The following ZNF704 variants were observed in gnomAD, a reference collection of about 807,000 sequenced individuals.
ZNF704 encodes zinc finger protein 704, also known as glucocorticoid induced gene 1.
In ZNF704, 10 loss-of-function variants were observed where a neutral mutation model predicts 44.7. The ratio of observed to expected loss-of-function variants is 0.22; its 90% CI spans 0.14 to 0.38. ZNF704 has a LOEUF of 0.38. Ranked by LOEUF, ZNF704 falls within the 10% of genes least tolerant of loss-of-function variation. ZNF704 has a pLI of 1.00. For synonymous variants in ZNF704, 211 were observed against 207.6 expected, an observed-to-expected ratio of 1.02 and a Z score of -0.14; for missense variants, 390 against 545.5, an observed-to-expected ratio of 0.71 and a Z score of 2.84.
intron 7 of ZNF704, among the ~76,000 whole-genome samples, chr8:80,658,220 C>T (rs1168135820): frequency 6.6e-6 from 1 of 152,106 alleles, no homozygotes; most frequent in Non-Finnish European, 1.5e-5. Flanking sequence ...GTGTATGCTT[C>T]CCATACATCA....
chr8:80,683,099 A>C (rs1196244411), intron 4 of ZNF704, among the ~76,000 whole-genome samples: 3 of 152,204 alleles, frequency 2.0e-5, no homozygotes, highest in Admixed American at 6.5e-5. Context: ...GAATGGCTGT[A>C]TTTAGGGTCA....
At chr8:80,868,607 G>A (rs1416437022) in intron 1 of ZNF704, among the ~76,000 whole-genome samples, 1 of 152,210 alleles carries the variant, frequency 6.6e-6, no homozygotes, top group African/African-American at 2.4e-5. Context: ...TGATTCCCAA[G>A]TCATAAATTT....
chr8:80,791,693 G>GTCTACAGT (rs1343012768), intron 2 of ZNF704, among the ~76,000 whole-genome samples: 1 of 151,614 alleles, frequency 6.6e-6, no homozygotes, highest in Non-Finnish European at 1.5e-5. Flanking sequence ...TCTCCACTCT[G>GTCTACAGT]TCTACAGTTA....
intron 2 of ZNF704, among the ~76,000 whole-genome samples, chr8:80,714,247 T>C (rs780732763): frequency 4.6e-5 from 7 of 152,178 alleles, no homozygotes; most frequent in Admixed American, 6.5e-5. Context: ...CTATCAATAC[T>C]GATGAAAAGC....
At position 80,675,709 on chromosome 8, in the gene ZNF704, T is replaced by C. The variant is rs536901441; in HGVS notation, c.559-5106A>G. ...GGGATGGTGTTAAAGATGACTTCCA[T>C]GTTTTAGGTTTGAATGACTGGGTGA... On this transcript the variant is annotated intron_variant, in intron 4 of 8. Transcript: ENST00000327835. Among the ~76,000 whole-genome samples the C allele has an allele frequency of 5.3e-5, 8 of 152,284 alleles. No individual in the cohort carries two copies. In the East Asian group the frequency reaches 1.5e-3, roughly 29 times the overall value.
At chr8:80,843,967 A>G (rs1469368444) in intron 1 of ZNF704, among the ~76,000 whole-genome samples, 3 of 132,812 alleles carry the variant, frequency 2.3e-5, no homozygotes, top group African/African-American at 9.9e-5. Context: ...GTGTATATAT[A>G]TGTGTATATA....
At chr8:80,827,643 G>A (rs1395495304) in intron 1 of ZNF704, among the ~76,000 whole-genome samples, 1 of 152,224 alleles carries the variant, frequency 6.6e-6, no homozygotes, top group African/African-American at 2.4e-5. Context: ...AACAAGGCTG[G>A]AGGCATCACG....
At chr8:80,781,280 A>G (rs924577862) in intron 2 of ZNF704, among the ~76,000 whole-genome samples, 1 of 152,194 alleles carries the variant, frequency 6.6e-6, no homozygotes, top group Non-Finnish European at 1.5e-5. Flanking sequence ...GTAAAGGGCC[A>G]TATCTGTAAA....
intron 2 of ZNF704, among the ~76,000 whole-genome samples, chr8:80,757,828 T>C (rs1318803819): frequency 6.6e-6 from 1 of 152,230 alleles, no homozygotes; most frequent in Non-Finnish European, 1.5e-5. Context: ...GTTTGTAGCC[T>C]GGGAGCAACA....
intron 1 of ZNF704, among the ~76,000 whole-genome samples, chr8:80,845,946 G>C (rs985963814): frequency 1.3e-5 from 2 of 152,036 alleles, no homozygotes; most frequent in African/African-American, 4.8e-5. Context: ...AAAACTATCT[G>C]ACACTATTAA....
At chr8:80,772,382 A>G (rs1199990747) in intron 2 of ZNF704, among the ~76,000 whole-genome samples, 2 of 152,180 alleles carry the variant, frequency 1.3e-5, no homozygotes, top group Admixed American at 1.3e-4. Flanking sequence ...TATAAAGAAA[A>G]GGGGTTTAAT....
intron 1 of ZNF704, among the ~76,000 whole-genome samples, chr8:80,862,528 G>C (rs999151811): frequency 1.3e-5 from 2 of 149,086 alleles, no homozygotes; most frequent in African/African-American, 2.5e-5. Context: ...GGGAGGCCAA[G>C]GCAGGCAGAT....
chr8:80,782,771 G>C (rs1384052376), intron 2 of ZNF704, among the ~76,000 whole-genome samples: 4 of 152,106 alleles, frequency 2.6e-5, no homozygotes, highest in African/African-American at 4.8e-5. Flanking sequence ...GGTATTCGCA[G>C]GTGAATGGCA....
At chr8:80,733,695 G>A (rs777962448) in intron 2 of ZNF704, among the ~76,000 whole-genome samples, 6 of 152,098 alleles carry the variant, frequency 3.9e-5, no homozygotes, top group East Asian at 1.9e-4. Flanking sequence ...TCAGCTTCTC[G>A]GTTACCTCTT....
chr8:80,778,005 A>G (rs1586020315), intron 2 of ZNF704, among the ~76,000 whole-genome samples: 1 of 152,200 alleles, frequency 6.6e-6, no homozygotes. Flanking sequence ...ACTGTATTCA[A>G]TACTATTACC....
intron 2 of ZNF704, among the ~76,000 whole-genome samples, chr8:80,704,412 T>C (rs960686513): frequency 6.6e-6 from 1 of 152,250 alleles, no homozygotes; most frequent in African/African-American, 2.4e-5. Context: ...CCTCCATCCC[T>C]GTCTCCTGCT....
At chr8:80,683,385 G>A (rs981976230) in intron 4 of ZNF704, among the ~76,000 whole-genome samples, 7 of 152,034 alleles carry the variant, frequency 4.6e-5, no homozygotes, top group African/African-American at 1.2e-4. Flanking sequence ...TAAGCTCTCC[G>A]GCAGACAGCC....
At chr8:80,646,868 C>T (rs140829590) in intron 7 of ZNF704, among the ~76,000 whole-genome samples, 14 of 152,216 alleles carry the variant, frequency 9.2e-5, no homozygotes, top group African/African-American at 3.4e-4. Context: ...TCTTGTAGAA[C>T]TTATAGAATC....
intron 2 of ZNF704, among the ~76,000 whole-genome samples, chr8:80,728,374 A>G (rs1806520314): frequency 6.6e-6 from 1 of 152,202 alleles, no homozygotes; most frequent in African/African-American, 2.4e-5. Context: ...ATAACTCAAA[A>G]TAAAATGTAG....
Sources: gnomAD v4.1 joint callset for allele counts (sites outside exome capture counted in the v4.1 genomes callset) on GRCh38, gnomAD v4.1.1 for gene constraint, MANE v1.5 for transcripts, NCBI Gene and HGNC (gene_info 2026-07-23, HGNC 2026-07-21) for gene names.